Variants in PCDHGA2 observed in about 807,000 individuals in gnomAD.
The protein encoded by PCDHGA2 is protocadherin gamma-A2.
Under a neutral mutation model 59.2 loss-of-function variants are expected in PCDHGA2, and 40 were observed. That is an observed-to-expected ratio of 0.68 (90% CI 0.52 to 0.88). The LOEUF is 0.88. Ranked by LOEUF, PCDHGA2 falls within the 40% of genes least tolerant of loss-of-function variation. The pLI, the probability that PCDHGA2 is intolerant of heterozygous loss-of-function variation, is 0.00. For missense variants in PCDHGA2, 1,226 were observed against 1,204.0 expected (o/e 1.02, Z -0.27); for synonymous variants, 560 against 526.0 (o/e 1.06, Z -0.89).
intron 1 of PCDHGA2, chr5:141,398,523 A>T (rs988295276): frequency 6.2e-7 from 1 of 1,613,602 alleles, no homozygotes; most frequent in Non-Finnish European, 8.5e-7. Context: ...ACACGCCAAA[A>T]TTCACGCAAA....
chr5:141,474,563 A>G lies in PCDHGA2; in HGVS notation c.2425-20244A>G, dbSNP rs143794984. 1.4e-3 allele frequency among the ~76,000 whole-genome samples: 210 copies of G among 152,332 alleles called. 2 individuals are homozygous for G. The highest frequency in any genetic ancestry group is 5.0e-3 in the African/African-American group (207 of 41,572). ...TGAGCATTTAAAACTGGGGGTTTTC[A>G]GAGATTAATTGAAGTGTTAAAGACA... On this transcript the variant is annotated intron_variant, in intron 1 of 3. Coordinates refer to ENST00000394576, the MANE Select transcript of PCDHGA2 (RefSeq NM_018915.4).
rs1001412632 is a variant in PCDHGA2, at chr5:141,493,097, A to G, written c.2425-1710A>G. On this transcript the variant is annotated intron_variant, in intron 1 of 3. Transcript: ENST00000394576. The surrounding 1 kb of genome is among the most constrained non-coding windows in gnomAD (Gnocchi z 4.3). ...AACTCCAGGAGCTTTTATTCAAAAT[A>G]TATCAATGCCTAACTCTGCTCCTAG... Among the ~76,000 whole-genome samples, 1 of 152,224 alleles carries G rather than the reference A, an allele frequency of 6.6e-6. No homozygotes were observed. The highest frequency in any genetic ancestry group is 2.4e-5 in the African/African-American group (1 of 41,456).
chr5:141,385,571 T>C (rs2090288104), intron 1 of PCDHGA2: 5 of 1,299,428 alleles, frequency 3.8e-6, no homozygotes, highest in Non-Finnish European at 4.9e-6. Context: ...TCCACCTACT[T>C]TCCAATCTAT....
chr5:141,433,921 T>G (rs1203867326), intron 1 of PCDHGA2, among the ~76,000 whole-genome samples: 2 of 152,012 alleles, frequency 1.3e-5, no homozygotes, highest in African/African-American at 4.8e-5. Flanking sequence ...CACCTCCAAA[T>G]GAAGATTTTA....
intron 1 of PCDHGA2, among the ~76,000 whole-genome samples, chr5:141,467,727 T>C (rs1562013145): frequency 6.6e-6 from 1 of 152,046 alleles, no homozygotes; most frequent in African/African-American, 2.4e-5. Flanking sequence ...AGTGGCACAA[T>C]CCCAGCTCGC....
At position 141,463,610 on chromosome 5, in the gene PCDHGA2, G is replaced by T. The variant is rs189991450; in HGVS notation, c.2425-31197G>T. Among the ~76,000 whole-genome samples, 263 of 151,786 alleles carry T rather than the reference G, an allele frequency of 1.7e-3. 1 individual carries two copies. The highest frequency in any genetic ancestry group is 3.4e-3 in the Middle Eastern group (1 of 292). ...ACTACAGGTGCCTGCCACCATGCCC[G>T]GCTAATTTTTTGTATTTTGTTTAGT... On this transcript the variant is annotated intron_variant, in intron 1 of 3. Transcript: ENST00000394576.
At chr5:141,371,063 C>T (rs774821524) in intron 1 of PCDHGA2, 2 of 1,613,962 alleles carry the variant, frequency 1.2e-6, no homozygotes, top group South Asian at 2.2e-5. Context: ...CCTCCAGAAG[C>T]TGTACCACCC....
intron 1 of PCDHGA2, among the ~76,000 whole-genome samples, chr5:141,439,279 CT>C (rs2098102664): frequency 6.6e-6 from 1 of 151,930 alleles, no homozygotes; most frequent in African/African-American, 2.4e-5. Flanking sequence ...CATTCTGAGA[CT>C]GTGTTCCATG....
intron 1 of PCDHGA2, among the ~76,000 whole-genome samples, chr5:141,465,343 TG>T (rs1048302340): frequency 1.5e-4 from 23 of 152,118 alleles, no homozygotes; most frequent in African/African-American, 5.3e-4. Flanking sequence ...TATTGGTTAC[TG>T]AAGAAAAAAT....
At chr5:141,466,993 T>G (rs2099133598) in intron 1 of PCDHGA2, among the ~76,000 whole-genome samples, 1 of 152,148 alleles carries the variant, frequency 6.6e-6, no homozygotes, top group African/African-American at 2.4e-5. Context: ...CCTTTTGGCA[T>G]TTTTTTGCAA....
chr5:141,430,309 A>G (rs984998714), intron 1 of PCDHGA2, among the ~76,000 whole-genome samples: 2 of 152,116 alleles, frequency 1.3e-5, no homozygotes, highest in Non-Finnish European at 2.9e-5. Context: ...CACTAACATT[A>G]TAAGATTAAA....
rs186638311 is a variant in PCDHGA2, at chr5:141,492,901, T to C, written c.2425-1906T>C. 3.7e-3 allele frequency among the ~76,000 whole-genome samples: 568 copies of C among 152,326 alleles called. 5 individuals carry two copies. The highest frequency in any genetic ancestry group is 0.011 in the Admixed American group (163 of 15,308). On this transcript the variant is annotated intron_variant, in intron 1 of 3. Coordinates refer to ENST00000394576, the MANE Select transcript of PCDHGA2 (RefSeq NM_018915.4). ...GAGATACAGGCTTTTGGCGCCGTCG[T>C]GATCACAATGTGCCCAGCGATCTAG...
intron 1 of PCDHGA2, among the ~76,000 whole-genome samples, chr5:141,463,518 G>T (rs537466389): frequency 7.2e-6 from 1 of 139,068 alleles, no homozygotes; most frequent in African/African-American, 2.8e-5. Context: ...GCGTGATCTC[G>T]GCTTACTAGA....
chr5:141,360,660 C>T (rs530891991), intron 1 of PCDHGA2: 14 of 1,613,850 alleles, frequency 8.7e-6, no homozygotes, highest in Admixed American at 3.3e-5. Flanking sequence ...TTAATGACAA[C>T]GAGTACTTTG....
intron 1 of PCDHGA2, chr5:141,427,435 T>C (rs536693959): frequency 2.1e-6 from 1 of 474,160 alleles, no homozygotes; most frequent in African/African-American, 2.0e-5. Flanking sequence ...ACATGCCTCA[T>C]AAACGAAAGA....
At chr5:141,405,169 CTT>C (rs1561698717) in intron 1 of PCDHGA2, 2 of 1,614,122 alleles carry the variant, frequency 1.2e-6, no homozygotes, top group Non-Finnish European at 1.7e-6. Flanking sequence ...CCACCTCACA[CTT>C]TGTGGGTGTA....
In PCDHGA2 at chr5:141,354,915, T is replaced by TA. The variant is rs1175574849; in HGVS notation, c.2424+13526dup. The TA allele has an allele frequency of 3.3e-4, 134 of 411,254 alleles. No homozygotes were observed. The East Asian group carries it at 4.7e-3, about 15-fold the overall frequency. 25.5% of individuals were successfully genotyped at this position (411,254 alleles called of 1,614,324 possible). A position where few individuals can be genotyped will look rare whatever the true frequency, so the allele number is the denominator to read the frequency against. On this transcript the variant is annotated intron_variant, in intron 1 of 3. Coordinates refer to ENST00000394576, the MANE Select transcript of PCDHGA2 (RefSeq NM_018915.4). ...GGAGAAATAGGAATAGAAAAGTGTA[T>TA]AAAAAATAAACTTTTTTTAACCAAG...
chr5:141,409,106 A>T (rs1474106494), intron 1 of PCDHGA2: 1 of 1,613,930 alleles, frequency 6.2e-7, no homozygotes, highest in East Asian at 2.2e-5. Context: ...AGGTATGATT[A>T]AGAATAACCA....
intron 1 of PCDHGA2, chr5:141,403,857 C>T (rs1431988074): frequency 6.2e-7 from 1 of 1,613,412 alleles, no homozygotes; most frequent in South Asian, 1.1e-5. Flanking sequence ...GGGGAAATAT[C>T]AACAGCAAAA....
Sources: gnomAD v4.1 joint callset for allele counts (sites outside exome capture counted in the v4.1 genomes callset) on GRCh38, gnomAD v4.1.1 for gene constraint, Gnocchi (gnomAD v3.1) non-coding constraint, MANE v1.5 for transcripts, NCBI Gene and HGNC (gene_info 2026-07-23, HGNC 2026-07-21) for gene names.